CLDN14: variants seen among roughly 807,000 people sequenced by gnomAD.
CLDN14 encodes the protein claudin 14, also known as claudin-14.
In CLDN14, 2 loss-of-function variants were observed where a neutral mutation model predicts 2.1. The observed-to-expected ratio is 0.96, with a 90% CI of 0.39 to 3.01. The LOEUF (loss-of-function observed/expected upper bound fraction) is 3.01. Ranked by LOEUF, CLDN14 falls within the 30% of genes most tolerant of loss-of-function variation. The pLI is 0.09. For synonymous variants in CLDN14, 136 were observed against 154.4 expected (o/e 0.88, Z 0.88); for missense variants, 298 against 328.0 (o/e 0.91, Z 0.71).
At chr21:36,533,221 G>A (rs2146503349) in intron 1 of CLDN14, among the ~76,000 whole-genome samples, 1 of 152,316 alleles carries the variant, frequency 6.6e-6, no homozygotes, top group East Asian at 1.9e-4. Context: ...AGAGGACCTG[G>A]GAATGCCAGG....
intron 1 of CLDN14, among the ~76,000 whole-genome samples, chr21:36,575,027 C>G (rs1401031541): frequency 6.6e-6 from 1 of 152,210 alleles, no homozygotes; most frequent in African/African-American, 2.4e-5. Context: ...ACACTTGTCT[C>G]TCCCTAAGAA....
rs548981290 is a variant in CLDN14 at position 36,461,035 on chromosome 21, G to C, written c.661C>G (p.Arg221Gly). 31 of 1,613,680 alleles carry C rather than the reference G, an allele frequency of 1.9e-5. No homozygotes were observed. The Middle Eastern group carries it at 6.9e-4, about 36-fold the overall frequency. Reference sequence around the variant, plus strand: ...GTGGCCGAGGTCACTGAGGGGGCCCGATTGTCTTTGTAGGCAGCTGGTGGC... The same window carrying C: ...GTGGCCGAGGTCACTGAGGGGGCCCCATTGTCTTTGTAGGCAGCTGGTGGC... ...YQPPAAYKDNRAPSVTSATHS... is the reference protein window; with the variant it reads ...YQPPAAYKDNGAPSVTSATHS... The change falls in exon 2 of 2, where the codon CGG (arginine) becomes GGG (glycine). Residue 221 changes from arginine (R) to glycine (G), a missense_variant. Transcript: ENST00000399135.
chr21:36,535,766 G>A (rs1020340766), intron 1 of CLDN14, among the ~76,000 whole-genome samples: 1 of 152,174 alleles, frequency 6.6e-6, no homozygotes, highest in African/African-American at 2.4e-5. Flanking sequence ...TTTCTGTAAC[G>A]TCATGTATAA....
intron 2 of CLDN14, among the ~76,000 whole-genome samples, chr21:36,488,274 C>CTT (rs60820945): frequency 2.0e-5 from 3 of 147,794 alleles, no homozygotes; most frequent in African/African-American, 5.0e-5. Context: ...TCCTTCCTTC[C>CTT]CTCTCTCTTT....
chr21:36,505,368 C>G (rs1331647733), intron 2 of CLDN14, among the ~76,000 whole-genome samples: 3 of 152,164 alleles, frequency 2.0e-5, no homozygotes, highest in Middle Eastern at 3.2e-3. Context: ...GCACTGCAGA[C>G]AGCCCACCCC....
chr21:36,534,210 TC>T (rs1160701058), intron 1 of CLDN14, among the ~76,000 whole-genome samples: 3 of 152,132 alleles, frequency 2.0e-5, no homozygotes, highest in African/African-American at 7.2e-5. Flanking sequence ...CAAGCGATTC[TC>T]CTGCCTCAGC....
At chr21:36,573,944 T>C (rs1161454951) in intron 1 of CLDN14, among the ~76,000 whole-genome samples, 2 of 152,160 alleles carry the variant, frequency 1.3e-5, no homozygotes, top group African/African-American at 4.8e-5. Flanking sequence ...ATATACCATG[T>C]TCATTGATTG....
intron 1 of CLDN14, among the ~76,000 whole-genome samples, chr21:36,470,926 A>G (rs2086703239): frequency 6.6e-6 from 1 of 152,270 alleles, no homozygotes; most frequent in Admixed American, 6.5e-5. Context: ...CAATAAGCAG[A>G]GATTGTGCCA....
At chr21:36,530,496 T>G (rs769501412) in intron 1 of CLDN14, among the ~76,000 whole-genome samples, 20 of 152,230 alleles carry the variant, frequency 1.3e-4, no homozygotes, top group Non-Finnish European at 2.9e-4. Context: ...GGCAGACCAA[T>G]AGGCATAAAG....
intron 1 of CLDN14, among the ~76,000 whole-genome samples, chr21:36,530,335 C>A (rs1013913474): frequency 3.3e-5 from 5 of 152,188 alleles, no homozygotes; most frequent in Non-Finnish European, 5.9e-5. Context: ...GGGAGCAGCT[C>A]CCCCTGCACA....
intron 1 of CLDN14, among the ~76,000 whole-genome samples, chr21:36,550,783 T>C (rs1286068240): frequency 2.0e-5 from 3 of 152,208 alleles, no homozygotes; most frequent in African/African-American, 7.2e-5. Flanking sequence ...ACAGTCACAG[T>C]GCAAGGCAAG....
intron 1 of CLDN14, among the ~76,000 whole-genome samples, chr21:36,548,339 T>C (rs2087539106): frequency 6.6e-6 from 1 of 152,186 alleles, no homozygotes; most frequent in African/African-American, 2.4e-5. Flanking sequence ...GGAAGCAGCA[T>C]CTAAGTCCAG....
At chr21:36,523,781 G>GAGAGAGAGAGAGAGAGAA (rs1568868851) in intron 1 of CLDN14, among the ~76,000 whole-genome samples, 65 of 38,376 alleles carry the variant, frequency 1.7e-3, no homozygotes, top group African/African-American at 4.5e-3. Context: ...GAGAGAAAGA[G>GAGAGAGAGAGAGAGAGAA]AGAAAGAAAG....
At position 36,561,307 on chromosome 21, in the gene CLDN14, C is replaced by A. The variant is rs530449403; in HGVS notation, c.-220+15104G>T. Among the ~76,000 whole-genome samples, 299 of 152,340 alleles carry A rather than the reference C, an allele frequency of 2.0e-3. 1 individual carries two copies. The highest frequency in any genetic ancestry group is 6.5e-3 in the African/African-American group (269 of 41,578). On this transcript the variant is annotated intron_variant, in intron 1 of 2. Coordinates refer to the CLDN14 transcript ENST00000342108. Reference sequence around the variant, plus strand: ...TGTGGGTGGTGCTGGCTGTTCCCCACTGGGGTGGGCAGCCACATGATGTCC... The same window carrying A: ...TGTGGGTGGTGCTGGCTGTTCCCCAATGGGGTGGGCAGCCACATGATGTCC...
intron 2 of CLDN14, among the ~76,000 whole-genome samples, chr21:36,494,973 C>T (rs538866777): frequency 1.7e-4 from 26 of 152,258 alleles, no homozygotes; most frequent in Admixed American, 1.5e-3. Flanking sequence ...CCCAAACTTC[C>T]CTCAGATGCC....
chr21:36,554,224 C>T (rs1054544489), intron 1 of CLDN14, among the ~76,000 whole-genome samples: 1 of 152,148 alleles, frequency 6.6e-6, no homozygotes, highest in Non-Finnish European at 1.5e-5. Flanking sequence ...AGCATCCCAA[C>T]CCCCCCAGGC....
chr21:36,534,621 G>A lies in CLDN14; in HGVS notation c.-219-24121C>T, dbSNP rs932401956. On this transcript the variant is annotated intron_variant, in intron 1 of 2. Transcript: ENST00000342108. ...CATGGCACCATCCCATCAAGATGAC[G>A]CACAGACTCCTCAGCGAGGCGCACA... 4.7e-4 allele frequency among the ~76,000 whole-genome samples: 71 copies of A among 152,260 alleles called. 1 individual carries two copies. Among genetic ancestry groups the A allele is most frequent in the African/African-American group, 1.6e-3 (68 of 41,546 alleles).
intron 1 of CLDN14, among the ~76,000 whole-genome samples, chr21:36,462,220 G>A (rs1348717266): frequency 6.6e-6 from 1 of 152,220 alleles, no homozygotes; most frequent in African/African-American, 2.4e-5. Flanking sequence ...GTTTTCTGAA[G>A]TAGGCAACTT....
rs1416236522 is a variant in CLDN14 at position 36,514,618 on chromosome 21, AGAAAGTGTGTGTGTGTGTGT to A, written c.-219-4138_-219-4119del. 5.0e-3 allele frequency among the ~76,000 whole-genome samples: 672 copies of A among 135,302 alleles called. 12 individuals carry two copies. Among genetic ancestry groups the A allele is most frequent in the Admixed American group, 0.031 (427 of 13,972 alleles). The allele number at this position is 135,302 out of a possible 152,430, so 88.8% of individuals were successfully genotyped here. On this transcript the variant is annotated intron_variant, in intron 1 of 2. Coordinates refer to the CLDN14 transcript ENST00000342108. The stretch of plus-strand genomic sequence containing the variant: ...AGGGGAAATAAAGTCTTATCGTGAG[AGAAAGTGTGTGTGTGTGTGT>A]GTGTGTGTGTGTGTGTGTGTGTGTA...
Sources: gnomAD v4.1 joint callset for allele counts (sites outside exome capture counted in the v4.1 genomes callset) on GRCh38, gnomAD v4.1.1 for gene constraint, MANE v1.5 for transcripts, NCBI Gene and HGNC (gene_info 2026-07-23, HGNC 2026-07-21) for gene names.